DNAJC11: variants seen among roughly 807,000 people sequenced by gnomAD.
DNAJC11 encodes the protein dnaJ homolog subfamily C member 11.
A neutral mutation model predicts 78.6 loss-of-function variants in DNAJC11; 15 were observed. The observed-to-expected ratio is 0.19, with a 90% CI of 0.13 to 0.29. The LOEUF is 0.29. DNAJC11 is among the 10% of genes least tolerant of loss of function. DNAJC11 has a pLI of 1.00. For synonymous variants in DNAJC11, 292 were observed against 272.1 expected, an observed-to-expected ratio of 1.07 and a Z score of -0.72; for missense variants, 547 against 709.6, an observed-to-expected ratio of 0.77 and a Z score of 2.60.
intron 1 of DNAJC11, 99 bp downstream of exon 1, chr1:6,701,630 A>T: frequency 4.6e-6 from 6 of 1,291,704 alleles, no homozygotes; most frequent in Non-Finnish European, 6.2e-6. Context: ...GACGGACCCG[A>T]GCCTCCCGTG....
chr1:6,662,135 G>GT (rs869204845), intron 4 of DNAJC11, among the ~76,000 whole-genome samples: 1,239 of 116,054 alleles, frequency 0.011, 21 homozygotes, highest in African/African-American at 0.025. Flanking sequence ...TTTGTTTTTT[G>GT]TTTTTTTTTT....
intron 1 of DNAJC11, among the ~76,000 whole-genome samples, chr1:6,687,438 G>C (rs980170009): frequency 1.4e-5 from 2 of 144,190 alleles, no homozygotes; most frequent in African/African-American, 5.1e-5. Context: ...CTCACTGCAA[G>C]CTCCGCCTCC....
chr1:6,651,696 A>G, intron 6 of DNAJC11, 94 bp from the exon 7 acceptor site: 1 of 909,888 alleles, frequency 1.1e-6, no homozygotes, highest in Non-Finnish European at 1.8e-6. Flanking sequence ...TAATTCCTTC[A>G]TTCAATTCAC....
intron 4 of DNAJC11, among the ~76,000 whole-genome samples, chr1:6,662,494 T>G (rs1330188404): frequency 1.3e-5 from 2 of 152,068 alleles, no homozygotes; most frequent in Admixed American, 6.6e-5. Context: ...ACTTCCTGGG[T>G]CAGGTGGGGA....
At chr1:6,672,200 T>C (rs528554739) in intron 3 of DNAJC11, among the ~76,000 whole-genome samples, 1 of 152,330 alleles carries the variant, frequency 6.6e-6, no homozygotes, top group East Asian at 1.9e-4. Context: ...ATGCAGATTT[T>C]AATGAAAGTT....
At position 6,634,948 on chromosome 1, in the gene DNAJC11, C is replaced by G. The variant is rs1183956982; in HGVS notation, c.*727G>C. 7 of 1,059,906 alleles carry G rather than the reference C, an allele frequency of 6.6e-6. No individual in the cohort carries two copies. Among genetic ancestry groups the G allele is most frequent in the Non-Finnish European group, 8.4e-6 (7 of 831,338 alleles). The allele number at this position is 1,059,906 out of a possible 1,614,324, so 65.7% of individuals were successfully genotyped here. On this transcript the variant is annotated 3_prime_UTR_variant, in exon 16 of 16. Transcript: ENST00000377577. ...GGAGGGACACAGGCCAGCTCAAGCC[C>G]GCTGGTGGCAGGGCGTTTTCCCACC...
chr1:6,681,352 CTT>C (rs1557485338), intron 1 of DNAJC11, among the ~76,000 whole-genome samples: 2 of 152,172 alleles, frequency 1.3e-5, no homozygotes, highest in South Asian at 2.1e-4. Context: ...CGTGCTAACT[CTT>C]TAACTTATTT....
Position 6,635,461 on chromosome 1 carries a change from G to A in DNAJC11, c.*214C>T, listed in dbSNP as rs62622832. 5,035 of 554,374 alleles carry A rather than the reference G, an allele frequency of 9.1e-3. 41 individuals are homozygous for A. The highest frequency in any genetic ancestry group is 0.012 in the Non-Finnish European group (3,649 of 312,906). 34.3% of individuals were successfully genotyped at this position (554,374 alleles called of 1,614,324 possible). A position where few individuals can be genotyped will look rare whatever the true frequency, so the allele number is the denominator to read the frequency against. On this transcript the variant is annotated 3_prime_UTR_variant, in exon 16 of 16. Transcript: ENST00000377577. ...GAAAACAGCCATGGGCCAGGCTGCAGTCTGGTTCCCAGTGGGGCTGCCTCA... is the reference window on the plus strand; with the variant it reads ...GAAAACAGCCATGGGCCAGGCTGCAATCTGGTTCCCAGTGGGGCTGCCTCA...
rs571696063 is a variant in DNAJC11, at chr1:6,645,467, C to T, written c.894+322G>A. Among the ~76,000 whole-genome samples, 9 of 152,334 alleles carry T rather than the reference C, an allele frequency of 5.9e-5. No homozygotes were observed. Among genetic ancestry groups the T allele is most frequent in the Non-Finnish European group, 8.8e-5 (6 of 68,024 alleles). ...ACCAGCCCTGGTGTGGCCACAGGGG[C>T]GTCCGAGGGCATGATTCTGCTATGG... On this transcript the variant is annotated intron_variant, in intron 8 of 15. Coordinates refer to ENST00000377577, the MANE Select transcript of DNAJC11 (RefSeq NM_018198.4). This position sits in a 1 kb window ranked among gnomAD's most constrained non-coding sequence, Gnocchi z 4.1.
At position 6,700,880 on chromosome 1, in the gene DNAJC11, T is replaced by G. The variant is rs865968335; in HGVS notation, c.72+849A>C. Among the ~76,000 whole-genome samples, 9 of 152,302 alleles carry G rather than the reference T, an allele frequency of 5.9e-5. No homozygotes were observed. In the Middle Eastern group the frequency reaches 0.01, roughly 173 times the overall value. On this transcript the variant is annotated intron_variant, in intron 1 of 15. Transcript: ENST00000377577. ...TCTGGACCCATCGGCTTAAAGAAAC[T>G]GATCCACCTCATGACCTGACCCTGG...
At position 6,653,509 on chromosome 1, in the gene DNAJC11, C is replaced by T. The variant is rs539474730; in HGVS notation, c.507+402G>A. ...GCAGAATGGTGACATTTTCGCGTGC[C>T]CAGGGCTCAGGATGAGAGCTGCTAT... On this transcript the variant is annotated intron_variant, in intron 5 of 15. Transcript: ENST00000377577. This position sits in a 1 kb window ranked among gnomAD's most constrained non-coding sequence, Gnocchi z 4.5. Among the ~76,000 whole-genome samples the T allele has an allele frequency of 1.8e-3, 275 of 152,300 alleles. No individual in the cohort carries two copies. The highest frequency in any genetic ancestry group is 6.2e-3 in the African/African-American group (257 of 41,556).
chr1:6,671,406 C>T (rs1642377386), intron 3 of DNAJC11, among the ~76,000 whole-genome samples: 1 of 151,834 alleles, frequency 6.6e-6, no homozygotes, highest in Non-Finnish European at 1.5e-5. Context: ...CCACGCCCGG[C>T]TAATTTTTTT....
At chr1:6,652,240 G>A (rs1642067612) in intron 6 of DNAJC11, among the ~76,000 whole-genome samples, 1 of 152,182 alleles carries the variant, frequency 6.6e-6, no homozygotes, top group Non-Finnish European at 1.5e-5. Flanking sequence ...GAACCATCAC[G>A]CGGAAGAGAG....
intron 7 of DNAJC11, among the ~76,000 whole-genome samples, chr1:6,650,044 G>A (rs1447186807): frequency 6.6e-6 from 1 of 151,802 alleles, no homozygotes; most frequent in Non-Finnish European, 1.5e-5. Flanking sequence ...AGCACTTTGG[G>A]AGGCCAAGGT....
In DNAJC11 at chr1:6,682,048, C is replaced by G. The variant is rs1642561463; in HGVS notation, c.73-1011G>C. Among the ~76,000 whole-genome samples the G allele has an allele frequency of 2.0e-5, 3 of 151,364 alleles. 1 individual carries two copies. The South Asian group carries it at 6.3e-4, about 32-fold the overall frequency. Reference sequence around the variant, plus strand: ...TCTGCCAACTGAACAGAAGAATAGGCCCAGGTCCCAGGAGGCGATGTGAGG... The same window carrying G: ...TCTGCCAACTGAACAGAAGAATAGGGCCAGGTCCCAGGAGGCGATGTGAGG... On this transcript the variant is annotated intron_variant, in intron 1 of 15. Transcript: ENST00000377577.
chr1:6,635,062 A>G lies in DNAJC11; in HGVS notation c.*613T>C. ...CCAAGCCGAGGGGGCCGGTGGAATG[A>G]CTTGAGCAGCTCTGGGAGTGGGGAA... On this transcript the variant is annotated 3_prime_UTR_variant, in exon 16 of 16. Coordinates refer to ENST00000377577, the MANE Select transcript of DNAJC11 (RefSeq NM_018198.4). The G allele has an allele frequency of 1.2e-5, 3 of 244,742 alleles. No homozygotes were observed. The highest frequency in any genetic ancestry group is 1.6e-5 in the Non-Finnish European group (2 of 127,246). The allele number at this position is 244,742 out of a possible 1,614,324, so 15.2% of individuals were successfully genotyped here.
intron 1 of DNAJC11, among the ~76,000 whole-genome samples, chr1:6,701,260 C>T (rs1451125021): frequency 6.6e-6 from 1 of 152,172 alleles, no homozygotes; most frequent in Non-Finnish European, 1.5e-5. Flanking sequence ...ACTCGGGAAC[C>T]GGAAAAAGCC....
In DNAJC11 at chr1:6,643,465, C is replaced by T. The variant is rs184385865; in HGVS notation, c.1097+1093G>A. ...TAATTTTTTGTATTTTTAGTAGAGA[C>T]GGGGTTTCACCGTGTTAGCCAGGAT... On this transcript the variant is annotated intron_variant, in intron 10 of 15. Transcript: ENST00000377577. Among the ~76,000 whole-genome samples, 51 of 151,738 alleles carry T rather than the reference C, an allele frequency of 3.4e-4. No homozygotes were observed. In the East Asian group the frequency reaches 6.1e-3, roughly 18 times the overall value.
Position 6,638,380 on chromosome 1 carries a change from C to T in DNAJC11, c.1254-16G>A. 6.2e-7 allele frequency: 1 copy of T among 1,611,318 alleles called. No individual in the cohort carries two copies. Among genetic ancestry groups the T allele is most frequent in the East Asian group, 2.2e-5 (1 of 44,800 alleles). On this transcript the variant is annotated splice_polypyrimidine_tract_variant and intron_variant, in intron 11 of 15. Coordinates refer to ENST00000377577, the MANE Select transcript of DNAJC11 (RefSeq NM_018198.4). Reference sequence around the variant, plus strand: ...CTCCAATTCCCTTACGCGAGAGGAACACAAGCCCCACGTTAGCGCGGCGCT... The same window carrying T: ...CTCCAATTCCCTTACGCGAGAGGAATACAAGCCCCACGTTAGCGCGGCGCT...
Sources: gnomAD v4.1 joint callset for allele counts (sites outside exome capture counted in the v4.1 genomes callset) on GRCh38, gnomAD v4.1.1 for gene constraint, Gnocchi (gnomAD v3.1) non-coding constraint, MANE v1.5 for transcripts, NCBI Gene and HGNC (gene_info 2026-07-23, HGNC 2026-07-21) for gene names.